The following ITGA9 variants were observed in gnomAD, a reference collection of about 807,000 sequenced individuals.
ITGA9 encodes integrin subunit alpha 9, also known as integrin alpha-9.
In ITGA9, 56 loss-of-function variants were observed where a neutral mutation model predicts 127.8. The ratio of observed to expected loss-of-function variants is 0.44; its 90% CI spans 0.35 to 0.55. ITGA9 has a LOEUF of 0.55. ITGA9 is among the 20% of genes least tolerant of loss of function. The pLI is 0.00. For synonymous variants in ITGA9, 508 were observed against 514.5 expected (o/e 0.99, Z 0.17); for missense variants, 1,196 against 1,347.1 (o/e 0.89, Z 1.76).
At chr3:37,646,671 A>G (rs1700381089) in intron 16 of ITGA9, among the ~76,000 whole-genome samples, 2 of 152,220 alleles carry the variant, frequency 1.3e-5, no homozygotes, top group Non-Finnish European at 2.9e-5. Flanking sequence ...GCCAACTAGC[A>G]GGTGAAGTCT....
At chr3:37,660,042 A>G (rs1453896633) in intron 17 of ITGA9, among the ~76,000 whole-genome samples, 1 of 152,022 alleles carries the variant, frequency 6.6e-6, no homozygotes, top group Non-Finnish European at 1.5e-5. Flanking sequence ...AAACCACTTA[A>G]ATATTAATTA....
intron 4 of ITGA9, among the ~76,000 whole-genome samples, chr3:37,486,874 T>C (rs1183226825): frequency 6.6e-6 from 1 of 152,226 alleles, no homozygotes; most frequent in Non-Finnish European, 1.5e-5. Flanking sequence ...AAGATTTCTG[T>C]ACCACTCTAT....
chr3:37,744,079 A>C, intron 22 of ITGA9, 45 bp downstream of exon 22: 1 of 1,260,358 alleles, frequency 7.9e-7, no homozygotes, highest in Non-Finnish European at 1.2e-6. Context: ...GGCTAACGGA[A>C]GGGCACATGG....
chr3:37,779,100 T>G (rs2685114), intron 24 of ITGA9, among the ~76,000 whole-genome samples: 139 of 152,176 alleles, frequency 9.1e-4, no homozygotes, highest in African/African-American at 3.1e-3. Flanking sequence ...ATGTTTTTGG[T>G]TTTTTGTTTG....
At chr3:37,628,814 A>G (rs1700201179) in intron 15 of ITGA9, among the ~76,000 whole-genome samples, 1 of 152,242 alleles carries the variant, frequency 6.6e-6, no homozygotes, top group African/African-American at 2.4e-5. Context: ...AGATGTGGTC[A>G]TCGAAACACT....
At chr3:37,624,201 T>G (rs1382116985) in intron 15 of ITGA9, among the ~76,000 whole-genome samples, 2 of 8,206 alleles carry the variant, frequency 2.4e-4, no homozygotes, top group African/African-American at 7.7e-4. Context: ...AAAAAAACCC[T>G]TTTTTTTTTT....
intron 8 of ITGA9, among the ~76,000 whole-genome samples, chr3:37,512,562 GA>G (rs1301231303): frequency 6.6e-6 from 1 of 152,098 alleles, no homozygotes; most frequent in African/African-American, 2.4e-5. Context: ...ACAGCCTTTG[GA>G]AAGAATACAG....
At chr3:37,579,153 C>G (rs1262534757) in intron 15 of ITGA9, among the ~76,000 whole-genome samples, 3 of 152,142 alleles carry the variant, frequency 2.0e-5, no homozygotes, top group African/African-American at 7.2e-5. Flanking sequence ...CTCTTGACTC[C>G]TCTCCTAATG....
chr3:37,513,355 G>A (rs1698952355), intron 8 of ITGA9, among the ~76,000 whole-genome samples: 1 of 152,124 alleles, frequency 6.6e-6, no homozygotes, highest in South Asian at 2.1e-4. Flanking sequence ...TGGAAGTTGG[G>A]TATTTCACTC....
chr3:37,676,462 T>C lies in ITGA9; in HGVS notation c.1917-7403T>C, dbSNP rs577555149. Reference sequence around the variant, plus strand: ...ATTATACAGCAGTTCCCATCAGTCATTGAGGGTTGCTGCAGAGCATGTCAG... The same window carrying C: ...ATTATACAGCAGTTCCCATCAGTCACTGAGGGTTGCTGCAGAGCATGTCAG... On this transcript the variant is annotated intron_variant, in intron 17 of 27. Coordinates refer to ENST00000264741, the MANE Select transcript of ITGA9 (RefSeq NM_002207.3). Among the ~76,000 whole-genome samples the C allele has an allele frequency of 6.6e-5, 10 of 152,238 alleles. No homozygotes were observed. The South Asian group carries it at 2.1e-3, about 32-fold the overall frequency.
chr3:37,460,089 G>C (rs904633509), intron 1 of ITGA9, among the ~76,000 whole-genome samples: 2 of 152,016 alleles, frequency 1.3e-5, no homozygotes, highest in African/African-American at 2.4e-5. Flanking sequence ...TAACCTCCTG[G>C]GGCTGCTTTG....
At chr3:37,581,362 G>A (rs956145492) in intron 15 of ITGA9, among the ~76,000 whole-genome samples, 2 of 152,174 alleles carry the variant, frequency 1.3e-5, no homozygotes, top group Non-Finnish European at 2.9e-5. Flanking sequence ...ACTCAAACAT[G>A]GATCTTAGGT....
At chr3:37,794,412 C>G (rs990917966) in intron 26 of ITGA9, among the ~76,000 whole-genome samples, 4 of 152,344 alleles carry the variant, frequency 2.6e-5, no homozygotes, top group Middle Eastern at 3.4e-3. Context: ...AGCTGACCCT[C>G]TGTCTTAGGA....
At chr3:37,726,492 T>C (rs1696203490) in intron 18 of ITGA9, among the ~76,000 whole-genome samples, 1 of 152,236 alleles carries the variant, frequency 6.6e-6, no homozygotes. Context: ...AATGCTTGTA[T>C]GATTGGGAGG....
At chr3:37,638,532 C>T (rs1361543986) in intron 16 of ITGA9, among the ~76,000 whole-genome samples, 1 of 151,966 alleles carries the variant, frequency 6.6e-6, no homozygotes, top group Non-Finnish European at 1.5e-5. Flanking sequence ...GTGAGGCCCA[C>T]TGCAGGAAGC....
intron 18 of ITGA9, among the ~76,000 whole-genome samples, chr3:37,703,958 A>G (rs1700975710): frequency 6.6e-6 from 1 of 152,048 alleles, no homozygotes; most frequent in Non-Finnish European, 1.5e-5. Context: ...TCTCTCTCCT[A>G]CAAATACCAG....
At position 37,542,603 on chromosome 3, in the gene ITGA9, T is replaced by G; in HGVS notation, c.1689+18T>G. 2 of 1,613,706 alleles carry G rather than the reference T, an allele frequency of 1.2e-6. No individual in the cohort carries two copies. The highest frequency in any genetic ancestry group is 4.5e-5 in the East Asian group (2 of 44,870). On this transcript the variant is annotated intron_variant, in intron 15 of 27. Transcript: ENST00000264741. ...ATGTGAAGGTCAGTCCTCTCCTCCT[T>G]TTTATCCTCAAACTTTGATCTCTGC...
At chr3:37,767,227 T>C (rs2125545473) in intron 23 of ITGA9, among the ~76,000 whole-genome samples, 1 of 152,226 alleles carries the variant, frequency 6.6e-6, no homozygotes, top group East Asian at 1.9e-4. Flanking sequence ...ATACAGAGGC[T>C]GTGCATTGGA....
In ITGA9 at chr3:37,697,023, A is replaced by G. The variant is rs561715089; in HGVS notation, c.2067+13008A>G. Reference sequence around the variant, plus strand: ...TCCAGGGCCTCAGAGGAAAATCTCAAAATGGTCAGGGAGGTCCCTTCTTAG... The same window carrying G: ...TCCAGGGCCTCAGAGGAAAATCTCAGAATGGTCAGGGAGGTCCCTTCTTAG... On this transcript the variant is annotated intron_variant, in intron 18 of 27. Coordinates refer to ENST00000264741, the MANE Select transcript of ITGA9 (RefSeq NM_002207.3). 6.6e-5 allele frequency among the ~76,000 whole-genome samples: 10 copies of G among 152,314 alleles called. No individual in the cohort carries two copies. The South Asian group carries it at 1.0e-3, about 16-fold the overall frequency.
Sources: allele counts gnomAD v4.1 joint callset (sites outside exome capture counted in the v4.1 genomes callset), GRCh38; gene constraint gnomAD v4.1.1; transcripts MANE v1.5; gene names NCBI Gene and HGNC (gene_info 2026-07-23, HGNC 2026-07-21).